Variants in KIAA0753 observed in about 807,000 individuals in gnomAD.
KIAA0753 encodes protein moonraker.
In KIAA0753, 114 loss-of-function variants were observed where a neutral mutation model predicts 116.9. That is an observed-to-expected ratio of 0.98 (90% CI 0.84 to 1.14). KIAA0753 has a LOEUF of 1.14. Among genes scored for constraint, KIAA0753 ranks in the 50% most tolerant of loss-of-function variants. The pLI is 0.00. For synonymous variants in KIAA0753, 405 were observed against 413.1 expected, an observed-to-expected ratio of 0.98 and a Z score of 0.24; for missense variants, 1,156 against 1,172.4, an observed-to-expected ratio of 0.99 and a Z score of 0.20.
intron 7 of KIAA0753, among the ~76,000 whole-genome samples, chr17:6,620,231 A>C (rs1290601318): frequency 6.6e-6 from 1 of 152,158 alleles, no homozygotes; most frequent in African/African-American, 2.4e-5. Flanking sequence ...AAAGCTTTTA[A>C]AATTTTATTA....
intron 9 of KIAA0753, among the ~76,000 whole-genome samples, chr17:6,609,586 T>C (rs1279250531): frequency 6.6e-6 from 1 of 152,232 alleles, no homozygotes; most frequent in Non-Finnish European, 1.5e-5. Context: ...TTTTAAAATA[T>C]TTATTTACTC....
rs1485809976 is a variant in KIAA0753, at chr17:6,608,252, A to T, written c.1829+96T>A. The T allele has an allele frequency of 2.7e-5, 14 of 518,888 alleles. No homozygotes were observed. The East Asian group carries it at 4.4e-4, about 16-fold the overall frequency. The allele number at this position is 518,888 out of a possible 1,614,324, so 32.1% of individuals were successfully genotyped here. A position where few individuals can be genotyped will look rare whatever the true frequency, so the allele number is the denominator to read the frequency against. ...AAATAATCTACATTTTAAATAACCA[A>T]CTTTAAATGTAGGAAAGAGAAGAAA... On this transcript the variant is annotated intron_variant, in intron 10 of 18. Transcript: ENST00000361413.
At chr17:6,613,825 T>G (rs540663199) in intron 7 of KIAA0753, among the ~76,000 whole-genome samples, 38 of 152,320 alleles carry the variant, frequency 2.5e-4, no homozygotes, top group African/African-American at 8.9e-4. Flanking sequence ...CAGAAGAGAC[T>G]TTCTTAAAGC....
At chr17:6,625,211 C>T (rs1971586642) in intron 3 of KIAA0753, among the ~76,000 whole-genome samples, 1 of 152,092 alleles carries the variant, frequency 6.6e-6, no homozygotes, top group East Asian at 1.9e-4. Context: ...TTTTCAAAAA[C>T]TTTTTATTGG....
At chr17:6,580,449 G>A (rs1203433551) in intron 18 of KIAA0753, among the ~76,000 whole-genome samples, 2 of 151,312 alleles carry the variant, frequency 1.3e-5, no homozygotes, top group African/African-American at 4.8e-5. Context: ...TGAGTAGCTG[G>A]GACTACAGGA....
At position 6,607,174 on chromosome 17, in the gene KIAA0753, T is replaced by TA; in HGVS notation, c.1919+6dup. On this transcript the variant is annotated splice_region_variant and intron_variant, in intron 11 of 18. Coordinates refer to ENST00000361413, the MANE Select transcript of KIAA0753 (RefSeq NM_014804.3). Reference sequence around the variant, plus strand: ...TACCTTTTCCTAACTCAGAAGCAAATATTTACCTCTGTTTTTGCATGCTGT... The same window carrying TA: ...TACCTTTTCCTAACTCAGAAGCAAATAATTTACCTCTGTTTTTGCATGCTGT... 1 of 1,610,370 alleles carries TA rather than the reference T, an allele frequency of 6.2e-7. No homozygotes were observed. Among genetic ancestry groups the TA allele is most frequent in the Non-Finnish European group, 8.5e-7 (1 of 1,176,626 alleles).
chr17:6,636,876 C>T (rs1199730033), intron 1 of KIAA0753: 1 of 152,292 alleles, frequency 6.6e-6, no homozygotes, highest in African/African-American at 2.4e-5. Context: ...CAGCCAGCCT[C>T]CTCCCACTTG....
At chr17:6,582,714 T>C (rs570361718) in intron 18 of KIAA0753, among the ~76,000 whole-genome samples, 1 of 152,240 alleles carries the variant, frequency 6.6e-6, no homozygotes, top group Admixed American at 6.5e-5. Flanking sequence ...TTAAACTACA[T>C]TTGCTCTTCT....
At chr17:6,627,787 TAGGATAATTTGCACTC>T (rs1361302330) in intron 3 of KIAA0753, among the ~76,000 whole-genome samples, 1 of 152,192 alleles carries the variant, frequency 6.6e-6, no homozygotes, top group East Asian at 1.9e-4. Context: ...GAAAACATTA[TAGGATAATTTGCACTC>T]AGGTCCCAGA....
intron 4 of KIAA0753, among the ~76,000 whole-genome samples, chr17:6,624,536 CCACACACACACA>C (rs55849399): frequency 5.4e-4 from 77 of 143,910 alleles, no homozygotes; most frequent in African/African-American, 3.1e-4. Context: ...GAGTTTGGCG[CCACACACACACA>C]CACACACACA....
Position 6,622,153 on chromosome 17 carries a change from A to C in KIAA0753, c.1104+729T>G, listed in dbSNP as rs569701539. ...TGGATGAAAATGTATGGCGTAGGGG[A>C]ACTAATACTAGCATGGGAGTCAGAA... On this transcript the variant is annotated intron_variant, in intron 6 of 18. Coordinates refer to ENST00000361413, the MANE Select transcript of KIAA0753 (RefSeq NM_014804.3). Among the ~76,000 whole-genome samples the C allele has an allele frequency of 2.0e-5, 3 of 152,300 alleles. No homozygotes were observed. In the South Asian group the frequency reaches 6.2e-4, roughly 32 times the overall value.
At chr17:6,595,491 C>CG (rs1555525169) in intron 15 of KIAA0753, among the ~76,000 whole-genome samples, 11 of 147,632 alleles carry the variant, frequency 7.5e-5, no homozygotes, top group Non-Finnish European at 1.7e-4. Flanking sequence ...CTTTCAAATC[C>CG]AAAAAAAAAA....
chr17:6,600,291 T>C, intron 13 of KIAA0753, 89 bp downstream of exon 13: 1 of 973,722 alleles, frequency 1.0e-6, no homozygotes, highest in Non-Finnish European at 1.6e-6. Context: ...CACTTAGCCC[T>C]ATAAAGGATC....
intron 8 of KIAA0753, 65 bp from the exon 9 acceptor site, chr17:6,610,225 G>T: frequency 2.0e-6 from 3 of 1,534,678 alleles, no homozygotes; most frequent in South Asian, 2.3e-5. Context: ...TTTAACCTCT[G>T]ACTCACTGAA....
At chr17:6,586,300 T>G (rs1054614988) in intron 18 of KIAA0753, among the ~76,000 whole-genome samples, 1 of 152,192 alleles carries the variant, frequency 6.6e-6, no homozygotes, top group Non-Finnish European at 1.5e-5. Context: ...CGTTATAAAT[T>G]ACCCAGTCTC....
chr17:6,628,816 A>C, intron 2 of KIAA0753, 75 bp from the exon 3 acceptor site: 1 of 1,444,724 alleles, frequency 6.9e-7, no homozygotes, highest in Non-Finnish European at 9.2e-7. Flanking sequence ...TCTATAATCA[A>C]ATTTCTAAAA....
intron 3 of KIAA0753, among the ~76,000 whole-genome samples, chr17:6,626,648 C>G (rs1971685389): frequency 6.6e-6 from 1 of 152,130 alleles, no homozygotes; most frequent in African/African-American, 2.4e-5. Flanking sequence ...GGGTCTGCAG[C>G]CAGGGGCCAT....
At chr17:6,615,507 C>T (rs1449110648) in intron 7 of KIAA0753, among the ~76,000 whole-genome samples, 2 of 145,414 alleles carry the variant, frequency 1.4e-5, no homozygotes, top group Admixed American at 7.2e-5. Flanking sequence ...CCCAGCTACT[C>T]GGGAGGCTGA....
chr17:6,632,380 A>G (rs1249004469), intron 2 of KIAA0753, among the ~76,000 whole-genome samples: 1 of 152,214 alleles, frequency 6.6e-6, no homozygotes, highest in Non-Finnish European at 1.5e-5. Flanking sequence ...GTCTGTGCTG[A>G]AATAAATAAG....
Sources: allele counts gnomAD v4.1 joint callset (sites outside exome capture counted in the v4.1 genomes callset), GRCh38; gene constraint gnomAD v4.1.1; transcripts MANE v1.5; gene names NCBI Gene and HGNC (gene_info 2026-07-23, HGNC 2026-07-21).